The following CEP83 variants were observed in gnomAD, a reference collection of about 807,000 sequenced individuals.
The protein encoded by CEP83 is centrosomal protein 83.
Under a neutral mutation model 101.9 loss-of-function variants are expected in CEP83, and 70 were observed. The observed-to-expected ratio is 0.69, with a 90% CI of 0.57 to 0.84. The LOEUF is 0.84. Among genes scored for constraint, CEP83 ranks in the 40% least tolerant of loss-of-function variants. The pLI is 0.00. For missense variants in CEP83, 715 were observed against 787.2 expected (o/e 0.91, Z 1.10); for synonymous variants, 264 against 267.9 (o/e 0.99, Z 0.14).
At chr12:94,417,448 T>C (rs929871082) in intron 2 of CEP83, among the ~76,000 whole-genome samples, 1 of 152,170 alleles carries the variant, frequency 6.6e-6, no homozygotes, top group Admixed American at 6.5e-5. Context: ...AAAGTTTAGA[T>C]AGAATCCACA....
chr12:94,454,066 T>G (rs1038860047), intron 1 of CEP83, among the ~76,000 whole-genome samples: 1 of 149,940 alleles, frequency 6.7e-6, no homozygotes, highest in Non-Finnish European at 1.5e-5. Flanking sequence ...CACTGCACTC[T>G]AGCCTGCTGA....
intron 11 of CEP83, among the ~76,000 whole-genome samples, chr12:94,345,551 C>T (rs1246368736): frequency 3.3e-5 from 5 of 152,090 alleles, no homozygotes; most frequent in African/African-American, 7.2e-5. Flanking sequence ...CTTTTACCTG[C>T]GCCTTTTTCT....
Position 94,404,231 on chromosome 12 carries a change from T to C in CEP83, c.325-969A>G, listed in dbSNP as rs79588362. Among the ~76,000 whole-genome samples the C allele has an allele frequency of 6.4e-3, 971 of 152,144 alleles. 14 individuals carry two copies. The highest frequency in any genetic ancestry group is 0.022 in the African/African-American group (926 of 41,480). On this transcript the variant is annotated intron_variant, in intron 4 of 16. Transcript: ENST00000397809. ...AAACTCTGGTGTTAAAAATAACTCA[T>C]ACACACAAATAACTATAAAAGTAGG...
intron 7 of CEP83, among the ~76,000 whole-genome samples, chr12:94,377,860 C>T (rs2061632701): frequency 6.6e-6 from 1 of 152,156 alleles, no homozygotes; most frequent in Non-Finnish European, 1.5e-5. Context: ...TGAACTGCTT[C>T]ATGTTTAAGG....
chr12:94,424,384 A>G (rs2065023943), intron 2 of CEP83: 1 of 1,613,984 alleles, frequency 6.2e-7, no homozygotes, highest in Non-Finnish European at 8.5e-7. Flanking sequence ...ATTTTCCATT[A>G]AAGTGGGTGA....
At chr12:94,421,800 T>C (rs1176783362) in intron 2 of CEP83, among the ~76,000 whole-genome samples, 1 of 152,176 alleles carries the variant, frequency 6.6e-6, no homozygotes, top group Non-Finnish European at 1.5e-5. Flanking sequence ...CTGTACAACA[T>C]GTTACTGTAC....
At chr12:94,353,093 C>A (rs541333058) in intron 11 of CEP83, among the ~76,000 whole-genome samples, 1 of 151,956 alleles carries the variant, frequency 6.6e-6, no homozygotes, top group Non-Finnish European at 1.5e-5. Context: ...CTATAAACAA[C>A]AAGAAAAAAG....
At chr12:94,294,145 GA>G in the CEP83 span, among the ~76,000 whole-genome samples, 5 of 152,270 alleles carry the variant, frequency 3.3e-5, no homozygotes, top group East Asian at 5.8e-4. Flanking sequence ...GAATTGGGGG[GA>G]ATGTCCTAAC....
At chr12:94,289,295 G>A in the CEP83 span, among the ~76,000 whole-genome samples, 1 of 152,188 alleles carries the variant, frequency 6.6e-6, no homozygotes. Flanking sequence ...AAAGTCTACA[G>A]TCATCTCTGC....
chr12:94,385,675 T>C (rs2062102658), intron 6 of CEP83, among the ~76,000 whole-genome samples: 2 of 152,302 alleles, frequency 1.3e-5, no homozygotes, highest in Non-Finnish European at 2.9e-5. Flanking sequence ...CATTTCTGAT[T>C]GGATGTCAGA....
At chr12:94,340,436 A>ATTT (rs143511419) in intron 11 of CEP83, among the ~76,000 whole-genome samples, 1 of 141,320 alleles carries the variant, frequency 7.1e-6, no homozygotes, top group Non-Finnish European at 1.6e-5. Context: ...TTGTCTCTAG[A>ATTT]TTTTTTTTTT....
At chr12:94,396,184 C>T (rs1012562600) in intron 6 of CEP83, among the ~76,000 whole-genome samples, 1 of 151,850 alleles carries the variant, frequency 6.6e-6, no homozygotes, top group African/African-American at 2.4e-5. Flanking sequence ...CAAAATAGTC[C>T]CACTTTTGAA....
At position 94,344,591 on chromosome 12, in the gene CEP83, T is replaced by C. The variant is rs559760821; in HGVS notation, c.1344-8927A>G. 5.3e-5 allele frequency among the ~76,000 whole-genome samples: 8 copies of C among 152,288 alleles called. No homozygotes were observed. In the South Asian group the frequency reaches 1.7e-3, roughly 32 times the overall value. ...ATTAAGAAGTCAAATGAACTCCATT[T>C]ATACCATATTTAGAAATAAAATTGA... On this transcript the variant is annotated intron_variant, in intron 11 of 16. Coordinates refer to ENST00000397809, the MANE Select transcript of CEP83 (RefSeq NM_016122.3).
chr12:94,411,726 T>C lies in CEP83; in HGVS notation c.295A>G (p.Thr99Ala). ...AGTTTCATTTCTTCTAAATCTTTAG[T>C]TTTCTCTACTAATTCTCCTCTTAGT... ...EELRGELVEK[T>A]KDLEEMKLQI... Residue 99 changes from threonine to alanine, a missense_variant, in exon 4 of 17, where the codon ACT (threonine) becomes GCT (alanine). Thr to Ala is a moderately conservative substitution (Grantham distance 58, BLOSUM62 0). Coordinates refer to ENST00000397809, the MANE Select transcript of CEP83 (RefSeq NM_016122.3). 1 of 1,603,870 alleles carries C rather than the reference T, an allele frequency of 6.2e-7. No individual in the cohort carries two copies. Among genetic ancestry groups the C allele is most frequent in the Middle Eastern group, 1.7e-4 (1 of 6,016 alleles).
chr12:94,282,981 CAG>C, the CEP83 span: 2 of 152,840 alleles, frequency 1.3e-5, no homozygotes, highest in Non-Finnish European at 2.9e-5. Context: ...CATAACAAGA[CAG>C]AGGAGGCAGT....
chr12:94,368,195 T>C lies in CEP83; in HGVS notation c.1055A>G (p.Gln352Arg), dbSNP rs2137016531. Reference sequence around the variant, plus strand: ...TGCTTTGAGAATTTCATTGTCTGACTGTAATCCTAGTGTTTTTCAAGGAGA... The same window carrying C: ...TGCTTTGAGAATTTCATTGTCTGACCGTAATCCTAGTGTTTTTCAAGGAGA... ...NKIQSELDGL[Q>R]SDNEILKAAV... The change falls in exon 10 of 17, where the codon CAG (glutamine) becomes CGG (arginine). Residue 352 changes from glutamine to arginine, a missense_variant. Transcript: ENST00000397809. 6.2e-7 allele frequency: 1 copy of C among 1,609,958 alleles called. No individual in the cohort carries two copies. The highest frequency in any genetic ancestry group is 8.5e-7 in the Non-Finnish European group (1 of 1,178,420).
chr12:94,282,407 A>C, the CEP83 span: 1 of 1,582,698 alleles, frequency 6.3e-7, no homozygotes, highest in Non-Finnish European at 8.7e-7. Flanking sequence ...ATGAGGTAAG[A>C]GCAAGACTTG....
chr12:94,285,628 G>A, the CEP83 span, among the ~76,000 whole-genome samples: 2 of 152,296 alleles, frequency 1.3e-5, no homozygotes, highest in Non-Finnish European at 1.5e-5. Context: ...GGAATAAGGG[G>A]CATCTTTGGC....
intron 6 of CEP83, among the ~76,000 whole-genome samples, chr12:94,399,494 G>T (rs147353865): frequency 3.3e-3 from 508 of 152,330 alleles, no homozygotes; most frequent in Non-Finnish European, 5.9e-3. Context: ...AGGATCACTT[G>T]AGGCCAGTAG....
Sources: allele counts gnomAD v4.1 joint callset (sites outside exome capture counted in the v4.1 genomes callset), GRCh38; gene constraint gnomAD v4.1.1; transcripts MANE v1.5; gene names NCBI Gene and HGNC (gene_info 2026-07-23, HGNC 2026-07-21).